Variants in METTL4 observed in about 807,000 individuals in gnomAD.
The protein encoded by METTL4 is methyltransferase 4, N6-adenosine.
METTL4 carries 40 observed loss-of-function variants against 54.0 expected under a neutral mutation model. The ratio of observed to expected loss-of-function variants is 0.74; its 90% CI spans 0.58 to 0.96. METTL4 has a LOEUF of 0.96. Among genes scored for constraint, METTL4 ranks in the 50% least tolerant of loss-of-function variants. The pLI, the probability that METTL4 is intolerant of heterozygous loss-of-function variation, is 0.00. For synonymous variants in METTL4, 169 were observed against 183.8 expected (o/e 0.92, Z 0.65); for missense variants, 525 against 549.0 (o/e 0.96, Z 0.44).
At chr18:2,550,930 C>T (rs577025293) in intron 5 of METTL4, among the ~76,000 whole-genome samples, 5 of 151,738 alleles carry the variant, frequency 3.3e-5, no homozygotes, top group East Asian at 1.9e-4. Context: ...TTTGGGAGGC[C>T]GAGGCGGGCG....
intron 1 of METTL4, among the ~76,000 whole-genome samples, chr18:2,570,292 G>A (rs1438307277): frequency 6.6e-6 from 1 of 152,204 alleles, no homozygotes; most frequent in Non-Finnish European, 1.5e-5. Context: ...GGGGTGCACA[G>A]CAGGAATATC....
At chr18:2,570,919 A>AG (rs1324929672) in intron 1 of METTL4, among the ~76,000 whole-genome samples, 1 of 152,156 alleles carries the variant, frequency 6.6e-6, no homozygotes, top group Non-Finnish European at 1.5e-5. Flanking sequence ...AAAGTGATCT[A>AG]CTGTTACTGT....
intron 5 of METTL4, 93 bp from the exon 6 acceptor site, chr18:2,547,622 T>C: frequency 1.1e-6 from 1 of 891,982 alleles, no homozygotes; most frequent in Non-Finnish European, 1.6e-6. Context: ...ACTCCACAAA[T>C]GCAAAGCTCT....
intron 5 of METTL4, among the ~76,000 whole-genome samples, 180 bp downstream of exon 5, chr18:2,552,515 A>G (rs2072177460): frequency 6.6e-6 from 1 of 152,208 alleles, no homozygotes; most frequent in Admixed American, 6.5e-5. Flanking sequence ...TCTTACACTT[A>G]TATATAGTTA....
At chr18:2,555,091 TTGAC>T in intron 3 of METTL4, 53 bp from the exon 4 acceptor site, 2 of 1,523,618 alleles carry the variant, frequency 1.3e-6, no homozygotes, top group Non-Finnish European at 1.8e-6. Context: ...AAAAAGAACA[TTGAC>T]TGTGCTTTGA....
intron 3 of METTL4, among the ~76,000 whole-genome samples, chr18:2,559,732 C>T (rs1328734222): frequency 6.6e-6 from 1 of 152,104 alleles, no homozygotes; most frequent in Non-Finnish European, 1.5e-5. Context: ...GAACACATTT[C>T]TGTTTTTTGT....
At chr18:2,543,917 G>T (rs188624312) in intron 8 of METTL4, among the ~76,000 whole-genome samples, 2 of 152,328 alleles carry the variant, frequency 1.3e-5, no homozygotes, top group Non-Finnish European at 2.9e-5. Flanking sequence ...ATGCCCATCA[G>T]CATTCTTTGT....
At chr18:2,539,213 A>T in intron 8 of METTL4, 68 bp from the exon 9 acceptor site, 1 of 1,252,238 alleles carries the variant, frequency 8.0e-7, no homozygotes, top group Non-Finnish European at 1.1e-6. Context: ...TTTAGCAGTT[A>T]AGAGTAGAAA....
chr18:2,549,851 G>A (rs762901966), intron 5 of METTL4, among the ~76,000 whole-genome samples: 67 of 135,952 alleles, frequency 4.9e-4, no homozygotes, highest in Admixed American at 9.5e-4. Flanking sequence ...AAAATTAGCC[G>A]GGTGTGGTGG....
At chr18:2,556,081 G>A (rs1002998198) in intron 3 of METTL4, among the ~76,000 whole-genome samples, 2 of 152,144 alleles carry the variant, frequency 1.3e-5, no homozygotes, top group Admixed American at 6.5e-5. Flanking sequence ...AGAGCTGCAG[G>A]GGATCTGCCC....
chr18:2,560,201 C>T (rs2072295676), intron 3 of METTL4, among the ~76,000 whole-genome samples: 1 of 152,116 alleles, frequency 6.6e-6, no homozygotes, highest in South Asian at 2.1e-4. Context: ...CATGATGTTG[C>T]TAAAGCTGTG....
At chr18:2,541,788 C>T (rs557439621) in intron 8 of METTL4, among the ~76,000 whole-genome samples, 97 of 148,782 alleles carry the variant, frequency 6.5e-4, no homozygotes, top group African/African-American at 2.3e-3. Context: ...AAAGAGAAAA[C>T]ATTTCATTTT....
chr18:2,551,878 G>GTAA (rs1268170962), intron 5 of METTL4, among the ~76,000 whole-genome samples: 1 of 152,004 alleles, frequency 6.6e-6, no homozygotes, highest in African/African-American at 2.4e-5. Context: ...AAGAGACAAT[G>GTAA]TAACTGAAGA....
chr18:2,564,170 A>G (rs2072366477), intron 2 of METTL4, among the ~76,000 whole-genome samples: 1 of 152,008 alleles, frequency 6.6e-6, no homozygotes, highest in Admixed American at 6.6e-5. Context: ...TTGGGAGGCC[A>G]AGGCGGGAGG....
chr18:2,554,943 A>G lies in METTL4; in HGVS notation c.555T>C (p.Gly185=). The change falls in exon 4 of 9, where the codon GGT becomes GGC. Residue 185 remains glycine, a synonymous_variant. Transcript: ENST00000574538. Reference sequence around the variant, plus strand: ...CAAGTGGTAAAGTAATGGGCTTACTACCCTTGTCCTGTTTTTCAAAAAGTG... The same window carrying G: ...CAAGTGGTAAAGTAATGGGCTTACTGCCCTTGTCCTGTTTTTCAAAAAGTG... ...LYPLFEKQDK[G]SKPITLPLDA... 1.2e-6 allele frequency: 2 copies of G among 1,614,070 alleles called. No homozygotes were observed. The highest frequency in any genetic ancestry group is 1.7e-6 in the Non-Finnish European group (2 of 1,179,940).
intron 4 of METTL4, chr18:2,554,241 G>GT (rs1555614819): frequency 1.3e-5 from 2 of 153,906 alleles, no homozygotes; most frequent in Non-Finnish European, 2.9e-5. Flanking sequence ...ACTTTGTACG[G>GT]AAATGTTTCA....
intron 8 of METTL4, among the ~76,000 whole-genome samples, chr18:2,542,547 A>C (rs114519313): frequency 0.053 from 8,129 of 152,244 alleles, 685 homozygotes; most frequent in African/African-American, 0.18. Context: ...AAAAGAAAAA[A>C]ATAAGGTTTG....
At chr18:2,549,705 G>A (rs1201825379) in intron 5 of METTL4, among the ~76,000 whole-genome samples, 1 of 151,688 alleles carries the variant, frequency 6.6e-6, no homozygotes, top group African/African-American at 2.4e-5. Context: ...AATAGGGCTG[G>A]GTGTGGTGGC....
intron 1 of METTL4, 98 bp from the exon 2 acceptor site, chr18:2,567,752 T>C (rs2072442929): frequency 6.6e-6 from 1 of 152,326 alleles, no homozygotes; most frequent in African/African-American, 2.4e-5. Flanking sequence ...GAAGGTGCTG[T>C]TAGCAGGTAA....
Sources: allele counts gnomAD v4.1 joint callset (sites outside exome capture counted in the v4.1 genomes callset), GRCh38; gene constraint gnomAD v4.1.1; transcripts MANE v1.5; gene names NCBI Gene and HGNC (gene_info 2026-07-23, HGNC 2026-07-21).